The following ART4 variants were observed in gnomAD, a reference collection of about 807,000 sequenced individuals.
ART4 encodes the protein ecto-ADP-ribosyltransferase 4.
Under a neutral mutation model 24.2 loss-of-function variants are expected in ART4, and 14 were observed. That is an observed-to-expected ratio of 0.58 (90% CI 0.38 to 0.90). ART4 has a LOEUF of 0.90. ART4 is among the 40% of genes least tolerant of loss of function. The pLI, the probability that ART4 is intolerant of heterozygous loss-of-function variation, is 0.00. For synonymous variants in ART4, 145 were observed against 139.9 expected (o/e 1.04, Z -0.26); for missense variants, 356 against 366.6 (o/e 0.97, Z 0.24).
intron 1 of ART4, 55 bp from the exon 2 acceptor site, chr12:14,841,208 G>A (rs1863048460): frequency 6.6e-7 from 1 of 1,505,104 alleles, no homozygotes; most frequent in East Asian, 2.3e-5. Flanking sequence ...GGTGAATGTG[G>A]TTGCAGATTT....
At chr12:14,839,967 G>A (rs1458959865) in intron 2 of ART4, among the ~76,000 whole-genome samples, 3 of 151,972 alleles carry the variant, frequency 2.0e-5, no homozygotes, top group Non-Finnish European at 4.4e-5. Context: ...TCCATTTCTC[G>A]TTAGACTAAA....
At chr12:14,830,042 T>A (rs935792629) in intron 2 of ART4, among the ~76,000 whole-genome samples, 3 of 152,140 alleles carry the variant, frequency 2.0e-5, no homozygotes, top group Non-Finnish European at 2.9e-5. Context: ...CTAACCTGTT[T>A]GTCTGTGTAT....
intron 2 of ART4, among the ~76,000 whole-genome samples, chr12:14,837,031 CGAGA>C (rs1950435703): frequency 6.6e-6 from 1 of 152,010 alleles, no homozygotes; most frequent in African/African-American, 2.4e-5. Context: ...ACTGCAATAC[CGAGA>C]CAGCAGATCT....
chr12:14,841,296 G>T, intron 1 of ART4, 143 bp from the exon 2 acceptor site: 1 of 716,874 alleles, frequency 1.4e-6, no homozygotes, highest in Non-Finnish European at 2.3e-6. Context: ...TCATTACACT[G>T]TTCCAATCCT....
chr12:14,829,909 G>A (rs1950382712), intron 2 of ART4, among the ~76,000 whole-genome samples: 1 of 152,052 alleles, frequency 6.6e-6, no homozygotes, highest in South Asian at 2.1e-4. Flanking sequence ...AATATCCTTG[G>A]TTTTTACTTG....
intron 2 of ART4, among the ~76,000 whole-genome samples, chr12:14,831,404 G>GT (rs1327503427): frequency 6.6e-6 from 1 of 150,596 alleles, no homozygotes; most frequent in Non-Finnish European, 1.5e-5. Context: ...GGGTCTACAG[G>GT]TGCACACCAC....
rs1950358752 is a variant in ART4 at position 14,826,158 on chromosome 12, T to TA, written c.*3212dup. The stretch of plus-strand genomic sequence containing the variant: ...CTTAGAGTTTCATAAACATGTAACT[T>TA]AATCAATTTAAATCAATACTCTACA... On this transcript the variant is annotated 3_prime_UTR_variant, in exon 3 of 3. Transcript: ENST00000228936. The TA allele has an allele frequency of 6.6e-6, 1 of 152,216 alleles. No homozygotes were observed. Among genetic ancestry groups the TA allele is most frequent in the African/African-American group, 2.4e-5 (1 of 41,450 alleles). The allele number at this position is 152,216 out of a possible 1,614,324, so 9.4% of individuals were successfully genotyped here. A position where few individuals can be genotyped will look rare whatever the true frequency, so the allele number is the denominator to read the frequency against.
intron 2 of ART4, among the ~76,000 whole-genome samples, chr12:14,839,966 C>T (rs988928520): frequency 2.6e-5 from 4 of 152,086 alleles, no homozygotes; most frequent in Non-Finnish European, 2.9e-5. Context: ...TTCCATTTCT[C>T]GTTAGACTAA....
Position 14,840,609 on chromosome 12 carries a change from G to T in ART4, c.689C>A (p.Thr230Asn). Residue 230 changes from threonine (T) to asparagine (N), a missense_variant, in exon 2 of 3, where the codon ACC (threonine) becomes AAC (asparagine). Thr to Asn is a moderately conservative substitution (Grantham distance 65). Transcript: ENST00000228936. Reference sequence around the variant, plus strand: ...GTACTGTACAGGTGCACCCAGGCAGGTGAATATGGTAAATAGTGTCTGGTT... The same window carrying T: ...GTACTGTACAGGTGCACCCAGGCAGTTGAATATGGTAAATAGTGTCTGGTT... ...FGNQTLFTIF[T>N]CLGAPVQYFS... is the part of the protein sequence containing the mutation. 6.2e-7 allele frequency: 1 copy of T among 1,614,168 alleles called. No homozygotes were observed. Among genetic ancestry groups the T allele is most frequent in the Non-Finnish European group, 8.5e-7 (1 of 1,180,030 alleles).
At chr12:14,838,340 A>G (rs1489386339) in intron 2 of ART4, among the ~76,000 whole-genome samples, 10 of 152,182 alleles carry the variant, frequency 6.6e-5, no homozygotes, top group Non-Finnish European at 1.0e-4. Context: ...TCAATGCTTA[A>G]TATAAATCTT....
At chr12:14,834,149 G>C (rs1014240226) in intron 2 of ART4, among the ~76,000 whole-genome samples, 1 of 152,154 alleles carries the variant, frequency 6.6e-6, no homozygotes, top group African/African-American at 2.4e-5. Flanking sequence ...AGGTCACCTA[G>C]CTACTAACAT....
Position 14,843,267 on chromosome 12 carries a change from T to C in ART4, c.-154A>G. 1.2e-6 allele frequency: 1 copy of C among 810,452 alleles called. No individual in the cohort carries two copies. The highest frequency in any genetic ancestry group is 1.9e-6 in the Non-Finnish European group (1 of 530,748). 50.2% of individuals were successfully genotyped at this position (810,452 alleles called of 1,614,324 possible). A position where few individuals can be genotyped will look rare whatever the true frequency, so the allele number is the denominator to read the frequency against. On this transcript the variant is annotated 5_prime_UTR_variant, in exon 1 of 3. Coordinates refer to ENST00000228936, the MANE Select transcript of ART4 (RefSeq NM_021071.4). ...ACTTCTGTTGCCCACCAACAACCAA[T>C]AGCTTGTCTGAGGGAAGAAATCAAC...
chr12:14,842,142 A>C (rs1191672612), intron 1 of ART4, among the ~76,000 whole-genome samples: 1 of 152,244 alleles, frequency 6.6e-6, no homozygotes, highest in African/African-American at 2.4e-5. Flanking sequence ...AGAAGTCCAC[A>C]AAATATCATC....
rs527467815 is a variant in ART4, at chr12:14,826,034, A to G, written c.*3337T>C. On this transcript the variant is annotated 3_prime_UTR_variant, in exon 3 of 3. Transcript: ENST00000228936. Reference sequence around the variant, plus strand: ...ACAGTCTCTGTTAACAGTTGCATGAATTTACACATATTTGAGCATCCGCCT... The same window carrying G: ...ACAGTCTCTGTTAACAGTTGCATGAGTTTACACATATTTGAGCATCCGCCT... 2.0e-5 allele frequency: 3 copies of G among 152,360 alleles called. No homozygotes were observed. The East Asian group carries it at 5.8e-4, about 29-fold the overall frequency. 9.4% of individuals were successfully genotyped at this position (152,360 alleles called of 1,614,324 possible). A position where few individuals can be genotyped will look rare whatever the true frequency, so the allele number is the denominator to read the frequency against.
intron 2 of ART4, among the ~76,000 whole-genome samples, chr12:14,839,989 G>A (rs1950455413): frequency 6.6e-6 from 1 of 152,048 alleles, no homozygotes; most frequent in African/African-American, 2.4e-5. Flanking sequence ...ATCCTCCTAG[G>A]TTATAATTTT....
At chr12:14,839,340 A>G (rs1377595760) in intron 2 of ART4, among the ~76,000 whole-genome samples, 1 of 152,206 alleles carries the variant, frequency 6.6e-6, no homozygotes, top group African/African-American at 2.4e-5. Context: ...AGGCTGTTTG[A>G]AATCCTTGTG....
In ART4 at chr12:14,843,123, T is replaced by C. The variant is rs753012796; in HGVS notation, c.-10A>G. Reference sequence around the variant, plus strand: ...TGATCAATGGACCCATTTGCTTGTGTCACAAGTACTTCTCCTTTGCCCTTG... The same window carrying C: ...TGATCAATGGACCCATTTGCTTGTGCCACAAGTACTTCTCCTTTGCCCTTG... On this transcript the variant is annotated 5_prime_UTR_variant, in exon 1 of 3. Transcript: ENST00000228936. 4 of 1,613,902 alleles carry C rather than the reference T, an allele frequency of 2.5e-6. No homozygotes were observed. In the South Asian group the frequency reaches 4.4e-5, roughly 18 times the overall value.
intron 2 of ART4, among the ~76,000 whole-genome samples, chr12:14,836,325 A>G (rs958187247): frequency 1.3e-5 from 2 of 152,018 alleles, no homozygotes; most frequent in Non-Finnish European, 2.9e-5. Flanking sequence ...TGGGGCCATT[A>G]TGAAATAAAA....
At chr12:14,839,615 C>T (rs993124129) in intron 2 of ART4, among the ~76,000 whole-genome samples, 3 of 152,146 alleles carry the variant, frequency 2.0e-5, no homozygotes, top group African/African-American at 7.2e-5. Context: ...GCTCACATGA[C>T]AACAACATTA....
Sources: gnomAD v4.1 joint callset for allele counts (sites outside exome capture counted in the v4.1 genomes callset) on GRCh38, gnomAD v4.1.1 for gene constraint, MANE v1.5 for transcripts, NCBI Gene and HGNC (gene_info 2026-07-23, HGNC 2026-07-21) for gene names.